The following ATG7 variants were observed in gnomAD, a reference collection of about 807,000 sequenced individuals.
The protein encoded by ATG7 is ubiquitin-like modifier-activating enzyme ATG7.
In ATG7, 70 loss-of-function variants were observed where a neutral mutation model predicts 82.4. That is an observed-to-expected ratio of 0.85 (90% CI 0.70 to 1.04). The LOEUF (loss-of-function observed/expected upper bound fraction) is 1.04, where lower values mean the gene tolerates loss of function less well. ATG7 is among the 50% of genes least tolerant of loss of function. The pLI, the probability that ATG7 is intolerant of heterozygous loss-of-function variation, is 0.00. For synonymous variants in ATG7, 287 were observed against 313.0 expected, an observed-to-expected ratio of 0.92 and a Z score of 0.88; for missense variants, 792 against 864.3, an observed-to-expected ratio of 0.92 and a Z score of 1.05.
At chr3:11,463,350 T>G (rs1245144767) in intron 20 of ATG7, among the ~76,000 whole-genome samples, 1 of 152,216 alleles carries the variant, frequency 6.6e-6, no homozygotes, top group African/African-American at 2.4e-5. Context: ...TTGCAAAAAG[T>G]AGACAGTGAT....
At chr3:11,349,237 TC>T (rs201722846) in intron 14 of ATG7, among the ~76,000 whole-genome samples, 5 of 56,706 alleles carry the variant, frequency 8.8e-5, no homozygotes, top group Non-Finnish European at 2.3e-4. Flanking sequence ...ACAGAAAAGT[TC>T]TCCCAAGTCC....
chr3:11,517,558 G>C (rs1429599220), intron 20 of ATG7, among the ~76,000 whole-genome samples: 1 of 152,188 alleles, frequency 6.6e-6, no homozygotes, highest in African/African-American at 2.4e-5. Flanking sequence ...GAGAATCGAT[G>C]CTCAGATTCT....
Position 11,401,986 on chromosome 3 carries a change from G to A in ATG7, c.1956+21934G>A, listed in dbSNP as rs1467380476. ...TATGTTGAGGTAAAACTTAAAAACA[G>A]TAAGTACACAGATGTTAAGTGTACA... On this transcript the variant is annotated intron_variant, in intron 19 of 20. Transcript: ENST00000693202. Among the ~76,000 whole-genome samples, 3 of 152,126 alleles carry A rather than the reference G, an allele frequency of 2.0e-5. No individual in the cohort carries two copies. In the East Asian group the frequency reaches 5.8e-4, roughly 29 times the overall value.
At position 11,380,033 on chromosome 3, in the gene ATG7, G is replaced by A. The variant is rs954153604; in HGVS notation, c.1937G>A (p.Cys646Tyr). 1 of 1,613,904 alleles carries A rather than the reference G, an allele frequency of 6.2e-7. No homozygotes were observed. The highest frequency in any genetic ancestry group is 8.5e-7 in the Non-Finnish European group (1 of 1,179,912). The change falls in exon 19 of 21, where the codon TGT becomes TAT. Residue 646 changes from cysteine (C) to tyrosine (Y), a missense_variant. Physicochemically the swap from Cys to Tyr is radical, Grantham distance 194. Transcript: ENST00000693202. ...VLPVSLAFDK[C>Y]TACSSKVLDQ... ...CCCGTCAGCCTGGCATTTGACAAAT[G>A]TACAGCTTGTTCTTCCAAAGTAAGT...
At chr3:11,291,270 A>G (rs929678459) in intron 3 of ATG7, among the ~76,000 whole-genome samples, 4 of 152,216 alleles carry the variant, frequency 2.6e-5, no homozygotes, top group African/African-American at 9.6e-5. Context: ...TTCCTTCCAC[A>G]TTGGATGATA....
At chr3:11,316,524 T>C (rs568024943) in intron 9 of ATG7, among the ~76,000 whole-genome samples, 11 of 152,354 alleles carry the variant, frequency 7.2e-5, no homozygotes, top group African/African-American at 2.6e-4. Context: ...ATATATGATC[T>C]ATCCCTATCT....
At chr3:11,530,599 T>A (rs192541494) in intron 20 of ATG7, among the ~76,000 whole-genome samples, 79 of 152,282 alleles carry the variant, frequency 5.2e-4, no homozygotes, top group African/African-American at 1.8e-3. Flanking sequence ...GACCAACCGC[T>A]GTTGCCCTCC....
At chr3:11,394,395 T>C (rs772356760) in intron 19 of ATG7, among the ~76,000 whole-genome samples, 14 of 152,172 alleles carry the variant, frequency 9.2e-5, no homozygotes, top group Non-Finnish European at 1.3e-4. Context: ...TTCTTAAACA[T>C]CAAATCACTA....
chr3:11,473,316 C>G (rs1156800662), intron 20 of ATG7, among the ~76,000 whole-genome samples: 1 of 152,190 alleles, frequency 6.6e-6, no homozygotes, highest in Non-Finnish European at 1.5e-5. Flanking sequence ...AAAATTGTCA[C>G]TTACTGAGTA....
At chr3:11,405,136 C>T (rs527895265) in intron 19 of ATG7, among the ~76,000 whole-genome samples, 1 of 152,272 alleles carries the variant, frequency 6.6e-6, no homozygotes, top group African/African-American at 2.4e-5. Flanking sequence ...TAGTTTTCAA[C>T]AGTTGGCCCT....
intron 20 of ATG7, among the ~76,000 whole-genome samples, chr3:11,503,755 C>T (rs370146619): frequency 1.3e-5 from 1 of 76,966 alleles, no homozygotes; most frequent in African/African-American, 5.1e-5. Context: ...GACTCTGTCT[C>T]AAAAAAAAAA....
At chr3:11,328,893 C>T (rs565080648) in intron 9 of ATG7, among the ~76,000 whole-genome samples, 2 of 152,300 alleles carry the variant, frequency 1.3e-5, no homozygotes, top group South Asian at 4.1e-4. Flanking sequence ...TCGAGACCAA[C>T]CTGGCCAACA....
At chr3:11,273,853 C>T (rs1054313782) in intron 1 of ATG7, among the ~76,000 whole-genome samples, 11 of 151,914 alleles carry the variant, frequency 7.2e-5, no homozygotes, top group Non-Finnish European at 1.5e-4. Context: ...ATGGGATGGA[C>T]AGTAATTGGG....
chr3:11,470,943 G>T (rs2087435865), intron 20 of ATG7, among the ~76,000 whole-genome samples: 1 of 152,176 alleles, frequency 6.6e-6, no homozygotes, highest in African/African-American at 2.4e-5. Context: ...TTATTCTCCA[G>T]TCATCTGCAT....
At chr3:11,369,348 G>GA (rs1292236933) in intron 18 of ATG7, among the ~76,000 whole-genome samples, 2 of 150,758 alleles carry the variant, frequency 1.3e-5, no homozygotes, top group Non-Finnish European at 3.0e-5. Flanking sequence ...GGATATAGCA[G>GA]AAAAAATGGG....
rs1442659163 is a variant in ATG7, at chr3:11,360,880, ATTATC to A, written c.1683+99_1683+103del. On this transcript the variant is annotated intron_variant, in intron 16 of 20. Coordinates refer to ENST00000693202, the MANE Select transcript of ATG7 (RefSeq NM_001349232.2). The stretch of plus-strand genomic sequence containing the variant: ...CCCTTTCATTTATGACTATTTAAAT[ATTATC>A]TTTTAACAAAGAGAAGAATTCTCCA... The A allele has an allele frequency of 3.2e-5, 41 of 1,299,426 alleles. No individual in the cohort carries two copies. In the East Asian group the frequency reaches 4.6e-4, roughly 15 times the overall value. 80.5% of individuals were successfully genotyped at this position (1,299,426 alleles called of 1,614,324 possible). A position where few individuals can be genotyped will look rare whatever the true frequency, so the allele number is the denominator to read the frequency against.
At chr3:11,319,948 G>C (rs974009854) in intron 9 of ATG7, among the ~76,000 whole-genome samples, 1 of 152,192 alleles carries the variant, frequency 6.6e-6, no homozygotes, top group African/African-American at 2.4e-5. Flanking sequence ...TAGAAAAGCA[G>C]ATCTGATCGT....
intron 20 of ATG7, among the ~76,000 whole-genome samples, chr3:11,498,951 G>A (rs991462856): frequency 5.9e-5 from 9 of 152,184 alleles, no homozygotes; most frequent in Non-Finnish European, 1.3e-4. Context: ...AGCTCTTGCA[G>A]AACAAGTTCT....
chr3:11,541,796 G>C (rs1213378645), intron 20 of ATG7, among the ~76,000 whole-genome samples: 1 of 152,108 alleles, frequency 6.6e-6, no homozygotes, highest in Non-Finnish European at 1.5e-5. Context: ...TTTTTAAAGG[G>C]AAACTTTTCA....
Sources: gnomAD v4.1 joint callset for allele counts (sites outside exome capture counted in the v4.1 genomes callset) on GRCh38, gnomAD v4.1.1 for gene constraint, MANE v1.5 for transcripts, NCBI Gene and HGNC (gene_info 2026-07-23, HGNC 2026-07-21) for gene names.